The following NEGR1 variants were observed in gnomAD, a reference collection of about 807,000 sequenced individuals.
NEGR1 encodes the protein IgLON family member 4.
In NEGR1, 10 loss-of-function variants were observed where a neutral mutation model predicts 40.9. The ratio of observed to expected loss-of-function variants is 0.24; its 90% CI spans 0.15 to 0.42. The LOEUF (loss-of-function observed/expected upper bound fraction) is 0.42, where lower values mean the gene tolerates loss of function less well. NEGR1 is among the 10% of genes least tolerant of loss of function. NEGR1 has a pLI of 1.00. For synonymous variants in NEGR1, 185 were observed against 166.8 expected, an observed-to-expected ratio of 1.11 and a Z score of -0.84; for missense variants, 352 against 438.9, an observed-to-expected ratio of 0.80 and a Z score of 1.77.
At chr1:71,498,766 G>A (rs1646981425) in intron 6 of NEGR1, among the ~76,000 whole-genome samples, 1 of 152,120 alleles carries the variant, frequency 6.6e-6, no homozygotes, top group Admixed American at 6.6e-5. Flanking sequence ...CCCAATCAAT[G>A]TGCATACTCA....
chr1:72,136,856 AG>A (rs1335347822), intron 1 of NEGR1, among the ~76,000 whole-genome samples: 1 of 152,116 alleles, frequency 6.6e-6, no homozygotes, highest in African/African-American at 2.4e-5. Context: ...CATCTGACAA[AG>A]GGCTAATATC....
chr1:71,830,981 T>C (rs1658821394), intron 2 of NEGR1, among the ~76,000 whole-genome samples: 1 of 151,956 alleles, frequency 6.6e-6, no homozygotes, highest in Admixed American at 6.6e-5. Context: ...TAGGAATTCT[T>C]GGAATATGTT....
At chr1:71,864,760 AAC>A (rs1247428221) in intron 2 of NEGR1, among the ~76,000 whole-genome samples, 1 of 152,170 alleles carries the variant, frequency 6.6e-6, no homozygotes, top group African/African-American at 2.4e-5. Context: ...AAACATCAAA[AAC>A]ACAAACAGAA....
chr1:71,508,136 C>T (rs1647048162), intron 6 of NEGR1, among the ~76,000 whole-genome samples: 1 of 152,150 alleles, frequency 6.6e-6, no homozygotes, highest in Non-Finnish European at 1.5e-5. Context: ...TCAAACCCCA[C>T]CTTTTAAGTT....
intron 2 of NEGR1, chr1:71,794,357 C>T (rs776193325): frequency 6.6e-6 from 1 of 152,000 alleles, no homozygotes; most frequent in Non-Finnish European, 1.5e-5. Context: ...ATAACTTATC[C>T]TTTCAAATTC....
chr1:71,749,774 A>G (rs1461454375), intron 3 of NEGR1, among the ~76,000 whole-genome samples: 1 of 152,162 alleles, frequency 6.6e-6, no homozygotes, highest in Non-Finnish European at 1.5e-5. Context: ...GTTGTGTTGG[A>G]TATTTTCTCC....
chr1:72,127,047 AAAAGCTGTTCC>A (rs1303966481), intron 1 of NEGR1, among the ~76,000 whole-genome samples: 1 of 152,204 alleles, frequency 6.6e-6, no homozygotes, highest in African/African-American at 2.4e-5. Context: ...ATATAAGGAC[AAAAGCTGTTCC>A]AAGATATGTA....
intron 4 of NEGR1, among the ~76,000 whole-genome samples, chr1:71,656,442 T>C (rs1426348865): frequency 1.3e-5 from 2 of 152,186 alleles, no homozygotes; most frequent in African/African-American, 4.8e-5. Context: ...AGACGGAGTC[T>C]GGCTCTGTCG....
At chr1:71,883,989 A>T (rs1156569919) in intron 2 of NEGR1, among the ~76,000 whole-genome samples, 2 of 150,260 alleles carry the variant, frequency 1.3e-5, no homozygotes, top group Non-Finnish European at 1.5e-5. Context: ...CCTTATTAAC[A>T]TTTTTTTTTT....
intron 1 of NEGR1, among the ~76,000 whole-genome samples, chr1:71,969,155 C>T (rs942977324): frequency 2.0e-4 from 30 of 152,102 alleles, no homozygotes; most frequent in African/African-American, 7.0e-4. Context: ...GCTGAGATTA[C>T]AGGCACCCGC....
intron 2 of NEGR1, among the ~76,000 whole-genome samples, chr1:71,822,653 C>T (rs569411544): frequency 4.7e-4 from 72 of 152,074 alleles, no homozygotes; most frequent in Middle Eastern, 6.8e-3. Context: ...CCCTTGCATT[C>T]TGGAAAGGTC....
chr1:71,937,662 G>A (rs1472463743), intron 1 of NEGR1, among the ~76,000 whole-genome samples: 1 of 152,114 alleles, frequency 6.6e-6, no homozygotes, highest in Non-Finnish European at 1.5e-5. Flanking sequence ...CTGTAATGCA[G>A]ATCAAAGACT....
intron 2 of NEGR1, among the ~76,000 whole-genome samples, chr1:71,912,467 T>C (rs1164017465): frequency 6.6e-6 from 1 of 152,224 alleles, no homozygotes; most frequent in Non-Finnish European, 1.5e-5. Context: ...CTTAAATCCC[T>C]TCACCACAAA....
At chr1:71,544,537 A>C (rs1380241473) in intron 6 of NEGR1, among the ~76,000 whole-genome samples, 1 of 151,766 alleles carries the variant, frequency 6.6e-6, no homozygotes, top group Non-Finnish European at 1.5e-5. Flanking sequence ...TGATTGTGAA[A>C]ATGAAGTAAC....
At chr1:71,843,925 T>C (rs985169038) in intron 2 of NEGR1, among the ~76,000 whole-genome samples, 2 of 152,108 alleles carry the variant, frequency 1.3e-5, no homozygotes, top group Non-Finnish European at 2.9e-5. Flanking sequence ...CATGACAGCA[T>C]GCTAGGGATA....
intron 4 of NEGR1, among the ~76,000 whole-genome samples, chr1:71,681,254 CAAT>C (rs1652827440): frequency 6.6e-6 from 1 of 152,136 alleles, no homozygotes; most frequent in East Asian, 1.9e-4. Context: ...CTTTCTGTAA[CAAT>C]AAGAAAATAA....
At chr1:71,943,263 T>C (rs1645988485) in intron 1 of NEGR1, among the ~76,000 whole-genome samples, 2 of 150,172 alleles carry the variant, frequency 1.3e-5, no homozygotes, top group Non-Finnish European at 1.5e-5. Flanking sequence ...CATACACATG[T>C]ATCATACACA....
chr1:72,176,076 A>T (rs1440999864), intron 1 of NEGR1, among the ~76,000 whole-genome samples: 1 of 152,152 alleles, frequency 6.6e-6, no homozygotes, highest in Non-Finnish European at 1.5e-5. Flanking sequence ...AAATTGCACT[A>T]GTACTGAATT....
chr1:71,476,563 T>A (rs758293874), intron 6 of NEGR1, among the ~76,000 whole-genome samples: 5 of 152,058 alleles, frequency 3.3e-5, no homozygotes, highest in Non-Finnish European at 7.4e-5. Context: ...TGATTTAGGC[T>A]GTGGGCTTCA....
Sources: allele counts gnomAD v4.1 joint callset (sites outside exome capture counted in the v4.1 genomes callset), GRCh38; gene constraint gnomAD v4.1.1; transcripts MANE v1.5; gene names NCBI Gene and HGNC (gene_info 2026-07-23, HGNC 2026-07-21).